EPHB1: variants seen among roughly 807,000 people sequenced by gnomAD.
The protein encoded by EPHB1 is ephrin type-B receptor 1.
EPHB1 carries 30 observed loss-of-function variants against 94.4 expected under a neutral mutation model. The observed-to-expected ratio is 0.32, with a 90% CI of 0.24 to 0.43. The LOEUF (loss-of-function observed/expected upper bound fraction) is 0.43, where lower values mean the gene tolerates loss of function less well. Among genes scored for constraint, EPHB1 ranks in the 20% least tolerant of loss-of-function variants. EPHB1 has a pLI of 1.00. For missense variants in EPHB1, 1,055 were observed against 1,308.3 expected (o/e 0.81, Z 2.99); for synonymous variants, 522 against 489.1 (o/e 1.07, Z -0.89).
rs141972959 is a variant in EPHB1, at chr3:135,147,544, A to T, written c.1298-6608A>T. ...AGTGGTTACCAAGCCTTAGGTTCACACTGTGCAGGCTGGGGCAGCAGCATC... is the reference window on the plus strand; with the variant it reads ...AGTGGTTACCAAGCCTTAGGTTCACTCTGTGCAGGCTGGGGCAGCAGCATC... On this transcript the variant is annotated intron_variant, in intron 5 of 15. Coordinates refer to ENST00000398015, the MANE Select transcript of EPHB1 (RefSeq NM_004441.5). Among the ~76,000 whole-genome samples the T allele has an allele frequency of 2.1e-3, 325 of 152,312 alleles. 1 individual carries two copies. The highest frequency in any genetic ancestry group is 7.4e-3 in the African/African-American group (309 of 41,566).
intron 11 of EPHB1, among the ~76,000 whole-genome samples, chr3:135,200,606 G>T (rs1180848530): frequency 1.3e-5 from 2 of 152,146 alleles, no homozygotes; most frequent in Non-Finnish European, 2.9e-5. Flanking sequence ...CTACCTTAAA[G>T]TTTACAGCAC....
intron 3 of EPHB1, among the ~76,000 whole-genome samples, chr3:135,060,848 T>C (rs72975563): frequency 0.041 from 6,295 of 152,212 alleles, 460 homozygotes; most frequent in African/African-American, 0.14. Flanking sequence ...TTATTGACTA[T>C]TGTCACCCTG....
chr3:134,867,843 G>A (rs2037413466), intron 1 of EPHB1, among the ~76,000 whole-genome samples: 1 of 152,208 alleles, frequency 6.6e-6, no homozygotes, highest in African/African-American at 2.4e-5. Flanking sequence ...TGCTGTGGGA[G>A]TTGTGTGCTG....
Position 135,113,783 on chromosome 3 carries a change from C to T in EPHB1, c.961+7180C>T, listed in dbSNP as rs574961954. 7.5e-4 allele frequency among the ~76,000 whole-genome samples: 114 copies of T among 152,316 alleles called. 1 individual carries two copies. In the South Asian group the frequency reaches 0.023, roughly 30 times the overall value. On this transcript the variant is annotated intron_variant, in intron 4 of 15. Transcript: ENST00000398015. ...TTAAAATTATCTCCTTGAGGCTAAA[C>T]ACTTGTTGCTTTAACTGTTCCCCAA...
chr3:135,011,975 G>C (rs1279153162), intron 3 of EPHB1, among the ~76,000 whole-genome samples: 3 of 151,762 alleles, frequency 2.0e-5, no homozygotes, highest in Non-Finnish European at 1.5e-5. Flanking sequence ...TTTTTTTACT[G>C]GATAAAGCAA....
intron 3 of EPHB1, among the ~76,000 whole-genome samples, chr3:135,021,217 A>G (rs1399952205): frequency 6.6e-6 from 1 of 152,162 alleles, no homozygotes; most frequent in African/African-American, 2.4e-5. Flanking sequence ...CTTCTTTTTA[A>G]CCATGCATTT....
chr3:135,210,312 T>C (rs1943003192), intron 12 of EPHB1, among the ~76,000 whole-genome samples: 1 of 152,178 alleles, frequency 6.6e-6, no homozygotes, highest in Non-Finnish European at 1.5e-5. Flanking sequence ...ATTTTGACTT[T>C]TATATGTCTA....
intron 3 of EPHB1, among the ~76,000 whole-genome samples, chr3:135,088,400 C>T (rs771819778): frequency 7.9e-5 from 12 of 151,998 alleles, no homozygotes; most frequent in Non-Finnish European, 1.3e-4. Flanking sequence ...ATAGTTTCAT[C>T]GAAAAGAAAT....
At chr3:134,972,264 T>C (rs528290193) in intron 3 of EPHB1, among the ~76,000 whole-genome samples, 1 of 151,812 alleles carries the variant, frequency 6.6e-6, no homozygotes, top group South Asian at 2.1e-4. Context: ...GAGTCAATGC[T>C]GCATGTGGGG....
At chr3:134,897,313 G>T (rs1578179067) in intron 1 of EPHB1, among the ~76,000 whole-genome samples, 1 of 151,848 alleles carries the variant, frequency 6.6e-6, no homozygotes, top group South Asian at 2.1e-4. Flanking sequence ...GAGTCTCCTG[G>T]CAATGTCATT....
intron 1 of EPHB1, among the ~76,000 whole-genome samples, chr3:134,882,765 C>CCTTCCTTTCTTTCTTT (rs1553861897): frequency 1.1e-3 from 85 of 79,902 alleles, no homozygotes; most frequent in African/African-American, 2.8e-3. Flanking sequence ...TTCCTTCCTT[C>CCTTCCTTTCTTTCTTT]CTTTCTTTCT....
intron 1 of EPHB1, among the ~76,000 whole-genome samples, chr3:134,896,171 C>A (rs539647286): frequency 3.3e-4 from 50 of 152,164 alleles, no homozygotes; most frequent in African/African-American, 1.2e-3. Context: ...AACTAAGATG[C>A]CACCTAGATC....
chr3:135,176,517 C>T (rs1432629045), intron 9 of EPHB1, among the ~76,000 whole-genome samples: 1 of 152,236 alleles, frequency 6.6e-6, no homozygotes, highest in Non-Finnish European at 1.5e-5. Context: ...TGTGACATCA[C>T]ATATATGTGT....
At chr3:135,176,009 G>A (rs1941968166) in intron 9 of EPHB1, among the ~76,000 whole-genome samples, 1 of 152,126 alleles carries the variant, frequency 6.6e-6, no homozygotes, top group Non-Finnish European at 1.5e-5. Context: ...TGAGCCAAAA[G>A]ACAAATGACC....
rs554171938 is a variant in EPHB1, at chr3:134,844,720, C to T, written c.58+49031C>T. Among the ~76,000 whole-genome samples the T allele has an allele frequency of 1.4e-4, 21 of 152,272 alleles. No homozygotes were observed. In the South Asian group the frequency reaches 1.7e-3, roughly 12 times the overall value. On this transcript the variant is annotated intron_variant, in intron 1 of 15. Transcript: ENST00000398015. ...TACCCACTATTCTTACTCAAACTCC[C>T]GTCTTTGATACATAAATACTTCTCA...
At chr3:135,164,401 C>A (rs1266395713) in intron 7 of EPHB1, among the ~76,000 whole-genome samples, 1 of 152,156 alleles carries the variant, frequency 6.6e-6, no homozygotes, top group African/African-American at 2.4e-5. Flanking sequence ...TATGCAGATA[C>A]CCTGCTCTTC....
intron 3 of EPHB1, among the ~76,000 whole-genome samples, chr3:135,045,231 C>G (rs912988177): frequency 6.6e-6 from 1 of 151,802 alleles, no homozygotes; most frequent in Non-Finnish European, 1.5e-5. Context: ...CCAAAATGCA[C>G]TAGTAGTCAT....
chr3:135,258,169 G>T (rs1413410323), intron 15 of EPHB1, among the ~76,000 whole-genome samples: 4 of 152,216 alleles, frequency 2.6e-5, no homozygotes, highest in African/African-American at 9.6e-5. Flanking sequence ...CCCGTCTTCT[G>T]CGTCGCTCAC....
intron 3 of EPHB1, among the ~76,000 whole-genome samples, chr3:134,982,588 G>A (rs188814368): frequency 9.2e-5 from 14 of 152,298 alleles, no homozygotes; most frequent in Admixed American, 9.2e-4. Context: ...TTACGCTGAA[G>A]AGGTTCTTCA....
Sources: allele counts gnomAD v4.1 joint callset (sites outside exome capture counted in the v4.1 genomes callset), GRCh38; gene constraint gnomAD v4.1.1; transcripts MANE v1.5; gene names NCBI Gene and HGNC (gene_info 2026-07-23, HGNC 2026-07-21).